The following NMBR variants were observed in gnomAD, a reference collection of about 807,000 sequenced individuals.
NMBR encodes the protein neuromedin-B receptor.
In NMBR, 16 loss-of-function variants were observed where a neutral mutation model predicts 20.5. The ratio of observed to expected loss-of-function variants is 0.78; its 90% CI spans 0.53 to 1.19. The LOEUF (loss-of-function observed/expected upper bound fraction) is 1.19. NMBR is among the 50% of genes most tolerant of loss of function. The probability of loss-of-function intolerance (pLI) is 0.00; values close to 1 mark genes in which losing one functional copy is unlikely to be tolerated. For missense variants in NMBR, 582 were observed against 499.1 expected (o/e 1.17, Z -1.58); for synonymous variants, 212 against 196.6 (o/e 1.08, Z -0.65).
intron 2 of NMBR, among the ~76,000 whole-genome samples, chr6:142,079,108 A>AAGAGAGAGAGAGAAAG: frequency 8.9e-6 from 1 of 112,250 alleles, no homozygotes; most frequent in Non-Finnish European, 1.7e-5. Context: ...GAGAGAGAGA[A>AAGAGAGAGAGAGAAAG]AGAAAGAAAG....
chr6:142,093,560 C>T (rs540610798), intron 1 of NMBR, among the ~76,000 whole-genome samples: 1 of 151,926 alleles, frequency 6.6e-6, no homozygotes, highest in Non-Finnish European at 1.5e-5. Flanking sequence ...CATTGTTGGA[C>T]ATTTGGGTTG....
chr6:142,125,661 C>A (rs1778020788), intron 1 of NMBR, among the ~76,000 whole-genome samples: 1 of 151,816 alleles, frequency 6.6e-6, no homozygotes. Context: ...TAAGGACAAA[C>A]ACATAGAACA....
intron 1 of NMBR, among the ~76,000 whole-genome samples, chr6:142,118,405 C>A (rs1055152455): frequency 1.3e-5 from 2 of 151,950 alleles, no homozygotes; most frequent in African/African-American, 4.8e-5. Context: ...TTATATGATG[C>A]AGATTGTCTC....
intron 1 of NMBR, among the ~76,000 whole-genome samples, chr6:142,137,350 C>T (rs1376987358): frequency 6.6e-6 from 1 of 152,058 alleles, no homozygotes; most frequent in Non-Finnish European, 1.5e-5. Context: ...GATTTTGTAT[C>T]CTGAGACTTT....
chr6:142,092,246 A>C (rs4896576), intron 1 of NMBR, among the ~76,000 whole-genome samples: 75,891 of 151,832 alleles, frequency 0.5, 19,478 homozygotes, highest in East Asian at 0.74. Flanking sequence ...TTAATGGAAG[A>C]GAATACAAAG....
chr6:142,119,449 C>T lies in NMBR; in HGVS notation c.-664+27595G>A, dbSNP rs542591325. Among the ~76,000 whole-genome samples the T allele has an allele frequency of 2.6e-5, 4 of 152,066 alleles. No homozygotes were observed. In the East Asian group the frequency reaches 7.8e-4, roughly 30 times the overall value. On this transcript the variant is annotated intron_variant, in intron 1 of 3. Coordinates refer to ENST00000258042, the MANE Select transcript of NMBR (RefSeq NM_002511.4). ...AATGCCAAGTAAATTGGTCTGTTCT[C>T]ACCCAAAACATAAAGTGTGAAGGAT...
Position 142,147,097 on chromosome 6 carries a change from T to C in NMBR, c.-717A>G, listed in dbSNP as rs1778453722. The C allele has an allele frequency of 1.7e-6, 1 of 598,530 alleles. No homozygotes were observed. Among genetic ancestry groups the C allele is most frequent in the African/African-American group, 1.8e-5 (1 of 54,264 alleles). 37.1% of individuals were successfully genotyped at this position (598,530 alleles called of 1,614,324 possible). On this transcript the variant is annotated 5_prime_UTR_variant, in exon 1 of 4. Coordinates refer to ENST00000258042, the MANE Select transcript of NMBR (RefSeq NM_002511.4). ...CATAAGCGCCAAAATGCTCGGGTCTTCTGTGGGTTCTAACCGCCGAGAGCC... is the reference window on the plus strand; with the variant it reads ...CATAAGCGCCAAAATGCTCGGGTCTCCTGTGGGTTCTAACCGCCGAGAGCC...
chr6:142,116,170 C>T (rs1448508634), intron 1 of NMBR, among the ~76,000 whole-genome samples: 15 of 151,882 alleles, frequency 9.9e-5, no homozygotes, highest in Non-Finnish European at 1.5e-5. Flanking sequence ...AATTAAACCT[C>T]TTTCTTTTGT....
rs1223614705 is a variant in NMBR at position 142,133,996 on chromosome 6, C to A, written c.-664+13048G>T. On this transcript the variant is annotated intron_variant, in intron 1 of 3. Coordinates refer to ENST00000258042, the MANE Select transcript of NMBR (RefSeq NM_002511.4). ...ATCCAGACAAAAGAGAAGTAAACCT[C>A]TTCTGTTACAATCAGTTCAGGCCAA... is the stretch of plus-strand genomic sequence containing the variant. 8.5e-6 allele frequency: 6 copies of A among 702,362 alleles called. No individual in the cohort carries two copies. The Admixed American group carries it at 1.2e-4, about 14-fold the overall frequency. The allele number at this position is 702,362 out of a possible 1,614,324, so 43.5% of individuals were successfully genotyped here. A position where few individuals can be genotyped will look rare whatever the true frequency, so the allele number is the denominator to read the frequency against.
At chr6:142,089,472 T>A (rs564190488) in intron 1 of NMBR, among the ~76,000 whole-genome samples, 151 bp from the exon 2 acceptor site, 2 of 152,382 alleles carry the variant, frequency 1.3e-5, no homozygotes, top group South Asian at 4.1e-4. Flanking sequence ...TTTAAATTTA[T>A]ATTTTATTGA....
chr6:142,099,437 C>A (rs1340899934), intron 1 of NMBR, among the ~76,000 whole-genome samples: 1 of 152,114 alleles, frequency 6.6e-6, no homozygotes, highest in Non-Finnish European at 1.5e-5. Flanking sequence ...CGAAAAGAGA[C>A]AGAGTGTGAA....
chr6:142,141,035 CA>C lies in NMBR; in HGVS notation c.-664+6008del, dbSNP rs1453497335. On this transcript the variant is annotated intron_variant, in intron 1 of 3. Transcript: ENST00000258042. Reference sequence around the variant, plus strand: ...TAAACTGACAAAGTAAATAGAATATCAAAAAGGATATAGAGGATTATAAATT... The same window carrying C: ...TAAACTGACAAAGTAAATAGAATATCAAAAGGATATAGAGGATTATAAATT... Among the ~76,000 whole-genome samples, 3 of 152,132 alleles carry C rather than the reference CA, an allele frequency of 2.0e-5. No individual in the cohort carries two copies. The East Asian group carries it at 5.8e-4, about 29-fold the overall frequency.
At chr6:142,095,835 T>C (rs1391286364) in intron 1 of NMBR, among the ~76,000 whole-genome samples, 7 of 152,192 alleles carry the variant, frequency 4.6e-5, no homozygotes, top group Non-Finnish European at 7.3e-5. Context: ...TCAGAGCCTG[T>C]TATTGGTCTA....
chr6:142,129,784 T>C (rs1486846419), intron 1 of NMBR, among the ~76,000 whole-genome samples: 1 of 152,178 alleles, frequency 6.6e-6, no homozygotes, highest in Non-Finnish European at 1.5e-5. Context: ...ACGGTCTCAT[T>C]AAGGACAGGA....
chr6:142,078,533 A>T, intron 3 of NMBR, 22 bp downstream of exon 3: 1 of 1,390,780 alleles, frequency 7.2e-7, no homozygotes, highest in Non-Finnish European at 1.0e-6. Context: ...ACACACCACC[A>T]ACCCACGCCT....
In NMBR at chr6:142,078,649, G is replaced by C. The variant is rs777023719; in HGVS notation, c.677C>G (p.Ala226Gly). Reference sequence around the variant, plus strand: ...ATGATAATAATAAATGCTAATAATAGCAAGTGGTATGAGGAAATAGACCAA... The same window carrying C: ...ATGATAATAATAAATGCTAATAATACCAAGTGGTATGAGGAAATAGACCAA... ...IFLVYFLIPL[A>G]IISIYYYHIA... The change falls in exon 3 of 4, where the codon GCT (alanine) becomes GGT (glycine). Residue 226 changes from alanine (A) to glycine (G), a missense_variant. Transcript: ENST00000258042. 2 of 1,612,522 alleles carry C rather than the reference G, an allele frequency of 1.2e-6. No homozygotes were observed. The highest frequency in any genetic ancestry group is 4.5e-5 in the East Asian group (2 of 44,870).
At chr6:142,143,849 T>A (rs1778391856) in intron 1 of NMBR, among the ~76,000 whole-genome samples, 1 of 149,988 alleles carries the variant, frequency 6.7e-6, no homozygotes, top group African/African-American at 2.4e-5. Context: ...AAAGGTACAA[T>A]AATCAAAATC....
intron 2 of NMBR, among the ~76,000 whole-genome samples, chr6:142,083,112 T>C (rs764226076): frequency 3.9e-5 from 6 of 152,312 alleles, no homozygotes; most frequent in Middle Eastern, 3.4e-3. Context: ...TACTTCTAAG[T>C]ATAAAAGAAA....
chr6:142,102,816 T>C (rs1256720990), intron 1 of NMBR, among the ~76,000 whole-genome samples: 1 of 152,192 alleles, frequency 6.6e-6, no homozygotes, highest in Non-Finnish European at 1.5e-5. Flanking sequence ...GGCTGCAAAA[T>C]TCTTCACAAA....
Sources: gnomAD v4.1 joint callset for allele counts (sites outside exome capture counted in the v4.1 genomes callset) on GRCh38, gnomAD v4.1.1 for gene constraint, MANE v1.5 for transcripts, NCBI Gene and HGNC (gene_info 2026-07-23, HGNC 2026-07-21) for gene names.